SLC5A4: variants seen among roughly 807,000 people sequenced by gnomAD.
SLC5A4 encodes solute carrier family 5 member 4.
A neutral mutation model predicts 70.3 loss-of-function variants in SLC5A4; 55 were observed. That is an observed-to-expected ratio of 0.78 (90% CI 0.63 to 0.98). SLC5A4 has a LOEUF of 0.98. Ranked by LOEUF, SLC5A4 falls within the 50% of genes least tolerant of loss-of-function variation. SLC5A4 has a pLI of 0.00. For missense variants in SLC5A4, 735 were observed against 839.2 expected, an observed-to-expected ratio of 0.88 and a Z score of 1.53; for synonymous variants, 268 against 305.7, an observed-to-expected ratio of 0.88 and a Z score of 1.29.
the SLC5A4 span, among the ~76,000 whole-genome samples, chr22:32,339,613 T>C: frequency 1.3e-4 from 20 of 151,056 alleles, no homozygotes; most frequent in Admixed American, 4.6e-4. Flanking sequence ...CAGAGGGAGG[T>C]GGGGAGCCAC....
chr22:32,352,270 G>A, the SLC5A4 span, among the ~76,000 whole-genome samples: 1 of 144,012 alleles, frequency 6.9e-6, no homozygotes, highest in Non-Finnish European at 1.5e-5. Context: ...GCCTGTTGTG[G>A]GATGGGGGGA....
intron 4 of SLC5A4, 152 bp downstream of exon 4, chr22:32,248,591 T>C (rs552722087): frequency 1.6e-6 from 1 of 632,756 alleles, no homozygotes; most frequent in African/African-American, 1.8e-5. Context: ...ATCAGGAAGA[T>C]GGATTTGAGA....
intron 3 of SLC5A4, among the ~76,000 whole-genome samples, chr22:32,251,149 C>CAAAAAAAAAAAAAAAAAAAAAAAAAAA (rs1169115054): frequency 4.0e-4 from 9 of 22,768 alleles, no homozygotes; most frequent in East Asian, 2.3e-3. Context: ...AACAAATAAG[C>CAAAAAAAAAAAAAAAAAAAAAAAAAAA]AAAAAAAAAA....
chr22:32,285,746 A>AT, the SLC5A4 span, among the ~76,000 whole-genome samples: 10 of 145,770 alleles, frequency 6.9e-5, no homozygotes, highest in African/African-American at 7.6e-5. Flanking sequence ...TTTTATTTTT[A>AT]TTTTTTTTGA....
chr22:32,233,595 C>T lies in SLC5A4; in HGVS notation c.886-561G>A, dbSNP rs62239050. On this transcript the variant is annotated intron_variant, in intron 8 of 14. Transcript: ENST00000266086. ...GGGCACCAGAGGGAGTGCTGCCAGA[C>T]TGTGAGAGGGCAAAGACTCCAGGAG... 9.5e-3 allele frequency among the ~76,000 whole-genome samples: 1,450 copies of T among 152,204 alleles called. 7 individuals carry two copies. The highest frequency in any genetic ancestry group is 0.026 in the South Asian group (127 of 4,820).
At chr22:32,309,277 C>G in the SLC5A4 span, among the ~76,000 whole-genome samples, 1 of 152,204 alleles carries the variant, frequency 6.6e-6, no homozygotes, top group East Asian at 1.9e-4. Context: ...GAATCACACA[C>G]AGTTCCCAGT....
At chr22:32,291,300 C>T in the SLC5A4 span, among the ~76,000 whole-genome samples, 5 of 151,378 alleles carry the variant, frequency 3.3e-5, no homozygotes, top group Non-Finnish European at 7.4e-5. Flanking sequence ...CTCAGCCTCC[C>T]GAGTAGCTGG....
At chr22:32,314,312 C>T in the SLC5A4 span, among the ~76,000 whole-genome samples, 1 of 152,162 alleles carries the variant, frequency 6.6e-6, no homozygotes, top group Non-Finnish European at 1.5e-5. Flanking sequence ...GTCTTCCCCA[C>T]ATAGAAAGTT....
the SLC5A4 span, chr22:32,269,782 C>A: frequency 1.5e-6 from 1 of 683,682 alleles, no homozygotes. The surrounding 1 kb of genome is among the most constrained non-coding windows in gnomAD (Gnocchi z 4.1). Context: ...CTGGACTGCG[C>A]CCAGGCCACC....
the SLC5A4 span, among the ~76,000 whole-genome samples, chr22:32,337,045 G>A: frequency 6.6e-6 from 1 of 152,170 alleles, no homozygotes. Flanking sequence ...CGTTTCCTTG[G>A]GGGGACTAAA....
chr22:32,224,308 G>T lies in SLC5A4; in HGVS notation c.1624C>A (p.Leu542Met). The change falls in exon 13 of 15, where the codon CTG (leucine) becomes ATG (methionine). Residue 542 changes from leucine (L) to methionine (M), a missense_variant. By Grantham distance (15) the Leu-to-Met change is conservative. Coordinates refer to ENST00000266086, the MANE Select transcript of SLC5A4 (RefSeq NM_014227.3). The part of the protein sequence containing the change: ...VLFFGSMLVT[L>M]GISLLTKPIP... ...GGTTTTGTTAAGAGGGAAATTCCCA[G>T]GGTGACCAGCATGGACCCAAAAAAG... 3 of 1,613,920 alleles carry T rather than the reference G, an allele frequency of 1.9e-6. No homozygotes were observed. The highest frequency in any genetic ancestry group is 2.5e-6 in the Non-Finnish European group (3 of 1,179,854).
the SLC5A4 span, among the ~76,000 whole-genome samples, chr22:32,284,151 G>A: frequency 6.6e-6 from 1 of 152,248 alleles, no homozygotes; most frequent in East Asian, 1.9e-4. Context: ...AGGGAGAAAA[G>A]GAAGCCAAGC....
chr22:32,351,744 AGGGCGGGGGGGGGGT>A, the SLC5A4 span, among the ~76,000 whole-genome samples: 20 of 1,538 alleles, frequency 0.013, 1 homozygote, highest in South Asian at 0.036. Context: ...CGGTGGGGGG[AGGGCGGGGGGGGGGT>A]GGGCGGGTGG....
the SLC5A4 span, among the ~76,000 whole-genome samples, chr22:32,281,079 C>T: frequency 3.9e-5 from 6 of 152,100 alleles, no homozygotes; most frequent in Non-Finnish European, 7.4e-5. Flanking sequence ...TATCATATTC[C>T]GAAATTAGAC....
chr22:32,306,644 T>G, the SLC5A4 span, among the ~76,000 whole-genome samples: 1 of 152,146 alleles, frequency 6.6e-6, no homozygotes, highest in South Asian at 2.1e-4. Context: ...AGAGAAAATA[T>G]TTCCATCCCC....
chr22:32,241,801 GTGTA>G lies in SLC5A4; in HGVS notation c.478-2715_478-2712del, dbSNP rs1259724474. Among the ~76,000 whole-genome samples the G allele has an allele frequency of 5.7e-3, 834 of 145,616 alleles. 6 individuals carry two copies. The highest frequency in any genetic ancestry group is 0.019 in the African/African-American group (729 of 37,720). On this transcript the variant is annotated intron_variant, in intron 5 of 14. Transcript: ENST00000266086. ...TGTGTGTGTGTGTGTGTGTGTGTGTGTGTATATATATCTGTATGTGTGTGTGTAT... is the reference window on the plus strand; with the variant it reads ...TGTGTGTGTGTGTGTGTGTGTGTGTGTATATATCTGTATGTGTGTGTGTAT...
the SLC5A4 span, among the ~76,000 whole-genome samples, chr22:32,325,038 C>T: frequency 1.3e-5 from 2 of 152,328 alleles, no homozygotes; most frequent in East Asian, 1.9e-4. Context: ...TGCCCTGATG[C>T]GGGAGTCACG....
chr22:32,315,446 A>G, the SLC5A4 span, among the ~76,000 whole-genome samples: 4 of 152,196 alleles, frequency 2.6e-5, no homozygotes, highest in African/African-American at 4.8e-5. Flanking sequence ...ATAATCAACT[A>G]AAATAACTTG....
chr22:32,255,325 G>A lies in SLC5A4; in HGVS notation c.5C>T (p.Ala2Val). 6.2e-7 allele frequency: 1 copy of A among 1,614,104 alleles called. No homozygotes were observed. The highest frequency in any genetic ancestry group is 1.1e-5 in the South Asian group (1 of 91,074). M[A>V]STVSPSTIAE... The stretch of plus-strand genomic sequence containing the variant: ...TATGGTGCTGGGGCTAACCGTACTG[G>A]CCATGGCTGCAGGCAGTGCTATACC... Residue 2 changes from alanine to valine, a missense_variant, in exon 1 of 15, where the codon GCC (alanine) becomes GTC (valine). Transcript: ENST00000266086.
Sources: allele counts gnomAD v4.1 joint callset (sites outside exome capture counted in the v4.1 genomes callset), GRCh38; gene constraint gnomAD v4.1.1; non-coding constraint Gnocchi (gnomAD v3.1); transcripts MANE v1.5; gene names NCBI Gene and HGNC (gene_info 2026-07-23, HGNC 2026-07-21).